F8: variants seen among roughly 807,000 people sequenced by gnomAD.
The protein encoded by F8 is antihemophilic factor.
Under a neutral mutation model 140.6 loss-of-function variants are expected in F8, and 12 were observed. That is an observed-to-expected ratio of 0.09 (90% CI 0.05 to 0.14). F8 has a LOEUF of 0.14. Among genes scored for constraint, F8 ranks in the 10% least tolerant of loss-of-function variants. F8 has a pLI of 1.00. For missense variants in F8, 1,354 were observed against 1,720.7 expected (o/e 0.79, Z 3.77); for synonymous variants, 585 against 614.6 (o/e 0.95, Z 0.71).
intron 1 of F8, among the ~76,000 whole-genome samples, chrX:155,016,174 T>G (rs2073733157): frequency 9.1e-6 from 1 of 109,988 alleles, no homozygotes. Context: ...GAGGCAGATG[T>G]TGAGCTGAGA....
intron 11 of F8, among the ~76,000 whole-genome samples, chrX:154,954,971 C>T (rs1194953910): frequency 1.8e-5 from 2 of 110,515 alleles, no homozygotes; most frequent in African/African-American, 6.6e-5. Context: ...ATCAAATGGA[C>T]ATGTAGTCAA....
chrX:154,905,012 T>C lies in F8; in HGVS notation c.5385A>G (p.Arg1795=). ...AGGAATAGGGACGAGAGGCCTGATTTCTGAAAGTTACCTGTAGAACAATAA... is the reference window on the plus strand; with the variant it reads ...AGGAATAGGGACGAGAGGCCTGATTCCTGAAAGTTACCTGTAGAACAATAA... The part of the protein sequence containing the change: ...EVEDNIMVTF[R]NQASRPYSFY... Residue 1795 remains arginine (R), a synonymous_variant, in exon 16 of 26, where the codon AGA becomes AGG. Coordinates refer to ENST00000360256, the MANE Select transcript of F8 (RefSeq NM_000132.4). 4 of 1,196,512 alleles carry C rather than the reference T, an allele frequency of 3.3e-6. No homozygotes were observed. Among genetic ancestry groups the C allele is most frequent in the Non-Finnish European group, 4.5e-6 (4 of 882,543 alleles).
intron 22 of F8, among the ~76,000 whole-genome samples, chrX:154,872,455 A>G (rs1167110895): frequency 2.8e-5 from 3 of 106,652 alleles, no homozygotes; most frequent in Non-Finnish European, 5.8e-5. Context: ...AGATCAGAAA[A>G]CCAAACACTG....
At chrX:154,837,820 T>C (rs1557271076) in intron 25 of F8, 68 bp from the exon 26 acceptor site, 5 of 1,060,518 alleles carry the variant, frequency 4.7e-6, no homozygotes, top group Non-Finnish European at 6.6e-6. Flanking sequence ...GCACAGACGC[T>C]TTTCTCACTT....
intron 14 of F8, chrX:154,909,717 A>G (rs2073055493): frequency 8.9e-6 from 1 of 112,349 alleles, no homozygotes; most frequent in South Asian, 3.7e-4. Flanking sequence ...ATCATGATGT[A>G]TTTTTAAATT....
intron 24 of F8, 51 bp downstream of exon 24, chrX:154,861,667 T>C (rs782314912): frequency 8.4e-7 from 1 of 1,196,589 alleles, no homozygotes; most frequent in East Asian, 3.0e-5. Context: ...CCCGATTTTT[T>C]CCCCAACCAC....
chrX:154,926,970 TGAA>T (rs1557278136), intron 14 of F8, among the ~76,000 whole-genome samples: 1 of 111,356 alleles, frequency 9.0e-6, no homozygotes, highest in Non-Finnish European at 1.9e-5. Context: ...ATTAGGGGGA[TGAA>T]GAAGGACTCG....
chrX:155,002,620 C>CAT (rs1377426989), intron 1 of F8, among the ~76,000 whole-genome samples: 1 of 109,856 alleles, frequency 9.1e-6, no homozygotes, highest in Non-Finnish European at 1.9e-5. Flanking sequence ...TTTACACACA[C>CAT]ACACACACAC....
chrX:154,959,155 C>T (rs1035862776), intron 10 of F8, among the ~76,000 whole-genome samples: 3 of 111,229 alleles, frequency 2.7e-5, no homozygotes, highest in Admixed American at 9.5e-5. Flanking sequence ...GCAGGCAGAT[C>T]GCTTGAGCTC....
chrX:154,978,203 T>C (rs781997977), intron 6 of F8, among the ~76,000 whole-genome samples: 9 of 110,938 alleles, frequency 8.1e-5, no homozygotes, highest in Non-Finnish European at 1.5e-4. Flanking sequence ...TTCTCTTGTA[T>C]CTCACTGAGT....
intron 13 of F8, among the ~76,000 whole-genome samples, chrX:154,937,699 C>T (rs1267946841): frequency 9.0e-6 from 1 of 110,857 alleles, no homozygotes; most frequent in African/African-American, 3.3e-5. Flanking sequence ...GCATTAAATA[C>T]CAAAGAATAC....
chrX:154,997,851 T>C (rs2073625847), intron 2 of F8, among the ~76,000 whole-genome samples: 1 of 111,655 alleles, frequency 9.0e-6, no homozygotes. Flanking sequence ...ATAAATATGA[T>C]GTGGAGATAG....
chrX:154,944,083 C>T (rs1233138441), intron 13 of F8, among the ~76,000 whole-genome samples: 6 of 111,692 alleles, frequency 5.4e-5, no homozygotes, highest in Non-Finnish European at 1.1e-4. Context: ...AAAACCTAGG[C>T]AATACCATTC....
intron 23 of F8, 105 bp downstream of exon 23, chrX:154,862,978 T>C: frequency 1.1e-6 from 1 of 921,699 alleles, no homozygotes; most frequent in Admixed American, 2.2e-5. Flanking sequence ...GACAATTTTG[T>C]GTCCTGATAC....
intron 14 of F8, among the ~76,000 whole-genome samples, chrX:154,915,373 G>C (rs1557277016): frequency 9.0e-6 from 1 of 111,458 alleles, no homozygotes; most frequent in Non-Finnish European, 1.9e-5. Flanking sequence ...AAATGTTATT[G>C]GTATTTTGAT....
intron 20 of F8, 114 bp downstream of exon 20, chrX:154,901,256 TG>T: frequency 1.7e-6 from 1 of 576,283 alleles, no homozygotes; most frequent in Admixed American, 2.5e-5. Flanking sequence ...GAGGCACTTA[TG>T]GAATAGAACT....
At chrX:155,017,758 G>A (rs781995598) in intron 1 of F8, among the ~76,000 whole-genome samples, 41 of 111,981 alleles carry the variant, frequency 3.7e-4, no homozygotes, top group Non-Finnish European at 6.0e-4. Context: ...TAAGCTTCCC[G>A]AGTGATTCTT....
intron 14 of F8, among the ~76,000 whole-genome samples, chrX:154,916,367 T>G (rs907695640): frequency 1.3e-4 from 15 of 112,054 alleles, no homozygotes; most frequent in African/African-American, 4.5e-4. Context: ...TTTTTTGCAA[T>G]ATTAAATAGT....
intron 6 of F8, among the ~76,000 whole-genome samples, chrX:154,971,246 G>A (rs782244552): frequency 5.4e-5 from 6 of 111,115 alleles, no homozygotes; most frequent in East Asian, 2.8e-4. Flanking sequence ...TAATTATATC[G>A]CCAGTCTAAT....
Sources: gnomAD v4.1 joint callset for allele counts (sites outside exome capture counted in the v4.1 genomes callset) on GRCh38, gnomAD v4.1.1 for gene constraint, MANE v1.5 for transcripts, NCBI Gene and HGNC (gene_info 2026-07-23, HGNC 2026-07-21) for gene names.